The following CEP350 variants were observed in gnomAD, a reference collection of about 807,000 sequenced individuals.
The protein encoded by CEP350 is centrosome-associated protein 350.
Under a neutral mutation model 331.8 loss-of-function variants are expected in CEP350, and 126 were observed. The ratio of observed to expected loss-of-function variants is 0.38; its 90% CI spans 0.33 to 0.44. The LOEUF (loss-of-function observed/expected upper bound fraction) is 0.44. Ranked by LOEUF, CEP350 falls within the 20% of genes least tolerant of loss-of-function variation. The probability of loss-of-function intolerance (pLI) is 1.00; values close to 1 mark genes in which losing one functional copy is unlikely to be tolerated. For synonymous variants in CEP350, 1,200 were observed against 1,259.5 expected (o/e 0.95, Z 1.00); for missense variants, 3,406 against 3,634.6 (o/e 0.94, Z 1.62).
intron 4 of CEP350, among the ~76,000 whole-genome samples, chr1:179,991,632 A>G (rs554302540): frequency 3.9e-4 from 51 of 132,436 alleles, no homozygotes; most frequent in African/African-American, 1.3e-3. Flanking sequence ...CCATGTCAGT[A>G]CTCTCTACCT....
In CEP350 at chr1:180,012,082, A is replaced by G. The variant is rs1201112706; in HGVS notation, c.1393+7A>G. 8 of 1,537,392 alleles carry G rather than the reference A, an allele frequency of 5.2e-6. No individual in the cohort carries two copies. The highest frequency in any genetic ancestry group is 7.0e-6 in the Non-Finnish European group (8 of 1,143,594). On this transcript the variant is annotated splice_region_variant and intron_variant, in intron 9 of 37. Coordinates refer to ENST00000367607, the MANE Select transcript of CEP350 (RefSeq NM_014810.5). ...GAAAGAACTGCTAAATCTGGTAAGT[A>G]GCTATAATTAAAATAGTTGAGAAAA... is the stretch of plus-strand genomic sequence containing the variant.
intron 31 of CEP350, chr1:180,087,377 C>T: frequency 2.5e-6 from 1 of 393,436 alleles, no homozygotes; most frequent in East Asian, 4.7e-5. Flanking sequence ...ATATATCTTG[C>T]TTATATATAG....
intron 11 of CEP350, among the ~76,000 whole-genome samples, chr1:180,017,909 T>C (rs940511873): frequency 5.9e-5 from 9 of 152,380 alleles, no homozygotes; most frequent in Admixed American, 3.9e-4. Flanking sequence ...CTGAACTTTT[T>C]AAATCTTTGT....
chr1:180,083,853 T>C (rs1230745226), intron 30 of CEP350, among the ~76,000 whole-genome samples, 165 bp from the exon 31 acceptor site: 4 of 152,136 alleles, frequency 2.6e-5, no homozygotes, highest in Non-Finnish European at 5.9e-5. Context: ...GTGGGAATTA[T>C]AGGGATACAT....
At chr1:180,060,612 A>G (rs1658163826) in intron 25 of CEP350, among the ~76,000 whole-genome samples, 1 of 152,128 alleles carries the variant, frequency 6.6e-6, no homozygotes, top group African/African-American at 2.4e-5. Context: ...CCACTGTACT[A>G]CTCCAGCCTG....
chr1:180,045,976 A>G (rs1657093404), intron 21 of CEP350, among the ~76,000 whole-genome samples: 1 of 152,160 alleles, frequency 6.6e-6, no homozygotes, highest in African/African-American at 2.4e-5. Flanking sequence ...GCCATTGCAT[A>G]TGATATACCT....
intron 1 of CEP350, among the ~76,000 whole-genome samples, chr1:179,981,366 A>G (rs999290976): frequency 5.9e-5 from 9 of 152,216 alleles, no homozygotes; most frequent in African/African-American, 2.2e-4. Context: ...ATTATTCCGC[A>G]AGAAGTGATC....
At chr1:180,069,445 CT>C (rs1658755921) in intron 27 of CEP350, among the ~76,000 whole-genome samples, 1 of 152,078 alleles carries the variant, frequency 6.6e-6, no homozygotes, top group South Asian at 2.1e-4. Flanking sequence ...ATTAGATTGT[CT>C]TAAATAATAA....
At chr1:179,995,733 T>C (rs2148710468) in intron 5 of CEP350, among the ~76,000 whole-genome samples, 1 of 152,358 alleles carries the variant, frequency 6.6e-6, no homozygotes, top group East Asian at 1.9e-4. Context: ...AGAGGTACTT[T>C]GGCTTTGCCC....
chr1:180,038,140 A>T (rs1656496965), intron 17 of CEP350, among the ~76,000 whole-genome samples: 1 of 152,200 alleles, frequency 6.6e-6, no homozygotes, highest in Non-Finnish European at 1.5e-5. Context: ...ACTTTGTATA[A>T]AAGGAAGTGT....
chr1:180,011,800 C>A, intron 8 of CEP350, 129 bp from the exon 9 acceptor site: 1 of 616,216 alleles, frequency 1.6e-6, no homozygotes. Context: ...TTAAAAATAT[C>A]ATTATATTGT....
chr1:180,034,169 C>T, intron 16 of CEP350, 87 bp downstream of exon 16: 1 of 1,372,594 alleles, frequency 7.3e-7, no homozygotes, highest in Non-Finnish European at 9.8e-7. Flanking sequence ...TGAGTTGAGT[C>T]ATAGAGAAAT....
At chr1:180,074,849 A>G (rs146243981) in intron 27 of CEP350, among the ~76,000 whole-genome samples, 173 bp from the exon 28 acceptor site, 215 of 152,326 alleles carry the variant, frequency 1.4e-3, no homozygotes, top group African/African-American at 4.6e-3. Context: ...CATTTTCTGA[A>G]CAAGTTGACT....
At chr1:180,053,660 G>A in intron 23 of CEP350, 90 bp from the exon 24 acceptor site, 1 of 710,084 alleles carries the variant, frequency 1.4e-6, no homozygotes. Context: ...TAAATACATA[G>A]TTTGTTTTTG....
intron 1 of CEP350, among the ~76,000 whole-genome samples, chr1:179,982,094 G>T (rs996186316): frequency 6.6e-6 from 1 of 152,120 alleles, no homozygotes; most frequent in Non-Finnish European, 1.5e-5. Flanking sequence ...CATTGAAAAA[G>T]CACATAAATG....
At position 180,092,764 on chromosome 1, in the gene CEP350, G is replaced by A. The variant is rs1388888772; in HGVS notation, c.6659G>A (p.Gly2220Glu). 8.8e-6 allele frequency: 14 copies of A among 1,592,058 alleles called. No homozygotes were observed. In the African/African-American group the frequency reaches 1.6e-4, roughly 18 times the overall value. ...RSSRKIREESGDSLENVPALH... is the reference protein window; with the variant it reads ...RSSRKIREESEDSLENVPALH... The stretch of plus-strand genomic sequence containing the variant: ...TCAAGGAAAATCAGAGAAGAATCTG[G>A]AGATTCTCTAGAAAATGTACCTGCA... The change falls in exon 34 of 38, where the codon GGA becomes GAA. Residue 2220 changes from glycine to glutamate, a missense_variant. By Grantham distance (98) the Gly-to-Glu change is moderately conservative. Around this residue, in one of 5 missense-constraint regions of CEP350, gnomAD observed 1,415 missense variants for 1,512.3 expected, o/e 0.94. Transcript: ENST00000367607.
At chr1:180,084,929 G>A (rs993659058) in intron 31 of CEP350, among the ~76,000 whole-genome samples, 6 of 151,736 alleles carry the variant, frequency 4.0e-5, no homozygotes, top group Non-Finnish European at 1.5e-5. Context: ...AAATAAGAAA[G>A]ATTAGGCCTT....
intron 11 of CEP350, among the ~76,000 whole-genome samples, chr1:180,016,892 A>AC (rs545328913): frequency 3.2e-4 from 48 of 152,060 alleles, no homozygotes; most frequent in African/African-American, 1.0e-3. Flanking sequence ...TAAACTCCTG[A>AC]CCTCAAGTGA....
Position 180,048,636 on chromosome 1 carries a change from G to GAAC in CEP350, c.4725_4727dup (p.Gln1576dup). ...TGAAAAGATAGAGAGTTCCATTGAT[G>GAAC]AACAGGTTCAGACTGCTGCAGATGA... On this transcript the variant is annotated inframe_insertion, in exon 22 of 38. Transcript: ENST00000367607. 6.2e-7 allele frequency: 1 copy of GAAC among 1,611,722 alleles called. No homozygotes were observed. The highest frequency in any genetic ancestry group is 8.5e-7 in the Non-Finnish European group (1 of 1,177,926).
Sources: allele counts gnomAD v4.1 joint callset (sites outside exome capture counted in the v4.1 genomes callset), GRCh38; gene constraint gnomAD v4.1.1; regional missense constraint gnomAD v4.1.1; transcripts MANE v1.5; gene names NCBI Gene and HGNC (gene_info 2026-07-23, HGNC 2026-07-21).